FAM76B: variants seen among roughly 807,000 people sequenced by gnomAD.
FAM76B encodes the protein protein FAM76B.
Under a neutral mutation model 51.8 loss-of-function variants are expected in FAM76B, and 16 were observed. The observed-to-expected ratio is 0.31, with a 90% CI of 0.21 to 0.47. The LOEUF (loss-of-function observed/expected upper bound fraction) is 0.47, where lower values mean the gene tolerates loss of function less well. Among genes scored for constraint, FAM76B ranks in the 20% least tolerant of loss-of-function variants. FAM76B has a pLI of 1.00. For missense variants in FAM76B, 342 were observed against 392.6 expected, an observed-to-expected ratio of 0.87 and a Z score of 1.09; for synonymous variants, 166 against 129.5, an observed-to-expected ratio of 1.28 and a Z score of -1.91.
chr11:95,787,574 T>C, intron 3 of FAM76B, 50 bp downstream of exon 3: 1 of 1,560,258 alleles, frequency 6.4e-7, no homozygotes, highest in Non-Finnish European at 8.8e-7. Flanking sequence ...TCCAGCTTTA[T>C]GAAAAATATT....
Position 95,785,993 on chromosome 11 carries a change from T to C in FAM76B, c.363+126A>G, listed in dbSNP as rs3748251. On this transcript the variant is annotated intron_variant, in intron 4 of 9. Transcript: ENST00000358780. ...AAAACTCACTATTCCTGCACTTTCA[T>C]CTAACTACTTGCTTTCATGGACCTA... 0.047 allele frequency: 53,970 copies of C among 1,151,804 alleles called. 1,649 individuals are homozygous for C. Among genetic ancestry groups the C allele is most frequent in the African/African-American group, 0.1 (6,578 of 64,080 alleles). 71.3% of individuals were successfully genotyped at this position (1,151,804 alleles called of 1,614,324 possible). A position where few individuals can be genotyped will look rare whatever the true frequency, so the allele number is the denominator to read the frequency against.
chr11:95,787,715 GCTTT>G (rs1376870755), intron 2 of FAM76B, 37 bp from the exon 3 acceptor site: 2 of 1,509,064 alleles, frequency 1.3e-6, no homozygotes, highest in African/African-American at 1.4e-5. Flanking sequence ...TGTTTATGTA[GCTTT>G]CTAAAGTAAT....
intron 4 of FAM76B, 47 bp from the exon 5 acceptor site, chr11:95,783,311 G>A (rs374022377): frequency 1.3e-6 from 2 of 1,560,190 alleles, no homozygotes; most frequent in African/African-American, 2.7e-5. Context: ...TAAACTGGCT[G>A]TAAACGAAAC....
At chr11:95,782,290 T>C (rs1013617601) in intron 5 of FAM76B, among the ~76,000 whole-genome samples, 1 of 152,146 alleles carries the variant, frequency 6.6e-6, no homozygotes, top group East Asian at 1.9e-4. Context: ...AGGTTTGAAA[T>C]GTATGGGACC....
At chr11:95,782,973 G>T in intron 5 of FAM76B, 92 bp downstream of exon 5, 1 of 1,497,008 alleles carries the variant, frequency 6.7e-7, no homozygotes. Flanking sequence ...AACTAGACTA[G>T]CACATAGTCA....
chr11:95,782,992 A>G (rs1860356155), intron 5 of FAM76B, 73 bp downstream of exon 5: 12 of 1,567,484 alleles, frequency 7.7e-6, no homozygotes, highest in East Asian at 2.2e-5. Context: ...CAATATTTGC[A>G]AGAAGTAAAC....
intron 4 of FAM76B, among the ~76,000 whole-genome samples, chr11:95,784,187 A>T (rs1321740786): frequency 1.3e-5 from 2 of 152,184 alleles, no homozygotes; most frequent in Non-Finnish European, 2.9e-5. Context: ...TGACAAAAGA[A>T]CAGAAAACCA....
intron 4 of FAM76B, among the ~76,000 whole-genome samples, 158 bp downstream of exon 4, chr11:95,785,961 C>G (rs1207305221): frequency 1.3e-5 from 2 of 152,182 alleles, no homozygotes; most frequent in Non-Finnish European, 2.9e-5. Context: ...ATCATGCAAA[C>G]AAAGAGAAAA....
rs1860866049 is a variant in FAM76B, at chr11:95,789,511, CGCTCCGAGGCGGG to C, written c.-46_-34del. 6.4e-7 allele frequency: 1 copy of C among 1,563,216 alleles called. No individual in the cohort carries two copies. The highest frequency in any genetic ancestry group is 1.4e-5 in the African/African-American group (1 of 73,072). ...CTCAGTCTCCTCCTCCGCCGCCGCC[CGCTCCGAGGCGGG>C]GCCCTACGGAGAACCCGAGAGCCGC... On this transcript the variant is annotated 5_prime_UTR_variant, in exon 1 of 10. Transcript: ENST00000358780.
chr11:95,787,657 C>T lies in FAM76B; in HGVS notation c.174G>A (p.Lys58=). ...ATTGCTTCACATTTTGAGCACACTT[C>T]TTACAAATTGTGTTAGTTTTGCTGA... is the stretch of plus-strand genomic sequence containing the variant. ...QQESKTNTIC[K]KCAQNVKQFG... The change falls in exon 3 of 10, where the codon AAG becomes AAA. Residue 58 remains lysine, a synonymous_variant. Coordinates refer to ENST00000358780, the MANE Select transcript of FAM76B (RefSeq NM_144664.5). The T allele has an allele frequency of 6.2e-7, 1 of 1,609,870 alleles. No homozygotes were observed.
chr11:95,779,678 G>A lies in FAM76B; in HGVS notation c.621C>T (p.Ser207=). The change falls in exon 7 of 10, where the codon TCC becomes TCT. Residue 207 remains serine, a synonymous_variant. Transcript: ENST00000358780. The part of the protein sequence containing the change: ...EQGLWKQSHK[S]SATIQNETPK... ...GAGTTTCATTCTGAATTGTTGCAGAGGATTTATGGCTGAAACCAAACATTA... is the reference window on the plus strand; with the variant it reads ...GAGTTTCATTCTGAATTGTTGCAGAAGATTTATGGCTGAAACCAAACATTA... 6.2e-7 allele frequency: 1 copy of A among 1,609,428 alleles called. No individual in the cohort carries two copies. The highest frequency in any genetic ancestry group is 8.5e-7 in the Non-Finnish European group (1 of 1,177,714).
rs1860180193 is a variant in FAM76B at position 95,779,869 on chromosome 11, A to G, written c.611+10T>C. The G allele has an allele frequency of 6.3e-7, 1 of 1,599,250 alleles. No homozygotes were observed. Among genetic ancestry groups the G allele is most frequent in the Admixed American group, 1.7e-5 (1 of 57,196 alleles). ...TCAAAATACTTCAGAAAATACAGCA[A>G]TGTATTTACCTCTGTTTCCACAGTC... On this transcript the variant is annotated intron_variant, in intron 6 of 9. Coordinates refer to ENST00000358780, the MANE Select transcript of FAM76B (RefSeq NM_144664.5).
intron 6 of FAM76B, 73 bp from the exon 7 acceptor site, chr11:95,779,760 C>T (rs1380440718): frequency 5.1e-6 from 8 of 1,565,574 alleles, no homozygotes; most frequent in Non-Finnish European, 6.1e-6. Flanking sequence ...TATTCATCTT[C>T]CCCTAAAATA....
intron 5 of FAM76B, among the ~76,000 whole-genome samples, chr11:95,780,927 G>T (rs116665611): frequency 2.8e-3 from 426 of 152,030 alleles, no homozygotes; most frequent in African/African-American, 9.9e-3. Context: ...TTCAGCTGTA[G>T]AAGTTTTTTA....
intron 2 of FAM76B, among the ~76,000 whole-genome samples, 174 bp downstream of exon 2, chr11:95,788,325 G>GT (rs1321600857): frequency 6.6e-6 from 1 of 151,892 alleles, no homozygotes; most frequent in African/African-American, 2.4e-5. Flanking sequence ...ACCACCACTG[G>GT]TTTTTTTCGC....
At position 95,789,580 on chromosome 11, in the gene FAM76B, C is replaced by T. The variant is rs1860879715; in HGVS notation, c.-102G>A. ...CCCGGGCCGCGGGCTCCTCCTCCTC[C>T]CCCTCCCCCTGCCTCGCGCCCACCA... On this transcript the variant is annotated 5_prime_UTR_variant, in exon 1 of 10. Transcript: ENST00000358780. The T allele has an allele frequency of 2.9e-6, 3 of 1,032,320 alleles. No individual in the cohort carries two copies. The highest frequency in any genetic ancestry group is 3.1e-5 in the South Asian group (2 of 63,714). The allele number at this position is 1,032,320 out of a possible 1,614,324, so 63.9% of individuals were successfully genotyped here. A position where few individuals can be genotyped will look rare whatever the true frequency, so the allele number is the denominator to read the frequency against.
rs28533604 is a variant in FAM76B at position 95,787,792 on chromosome 11, A to G, written c.153-114T>C. The G allele has an allele frequency of 7.1e-6, 6 of 845,526 alleles. No individual in the cohort carries two copies. The Admixed American group carries it at 1.4e-4, about 20-fold the overall frequency. 52.4% of individuals were successfully genotyped at this position (845,526 alleles called of 1,614,324 possible). ...TGTACTTAAAACTTTAATAAGGACC[A>G]CGGATTTTTTTCAAATATACAAGGA... is the stretch of plus-strand genomic sequence containing the variant. On this transcript the variant is annotated intron_variant, in intron 2 of 9. Coordinates refer to ENST00000358780, the MANE Select transcript of FAM76B (RefSeq NM_144664.5).
At chr11:95,774,823 T>A (rs1302485090) in intron 9 of FAM76B, among the ~76,000 whole-genome samples, 1 of 151,348 alleles carries the variant, frequency 6.6e-6, no homozygotes, top group East Asian at 1.9e-4. Context: ...TCTCAGGTTC[T>A]ACATGAGGTT....
chr11:95,780,051 TAA>T, intron 5 of FAM76B, 125 bp from the exon 6 acceptor site: 1 of 869,298 alleles, frequency 1.2e-6, no homozygotes, highest in South Asian at 1.9e-5. Context: ...AAGGTATATT[TAA>T]GTTTTCAGAC....
Sources: gnomAD v4.1 joint callset for allele counts (sites outside exome capture counted in the v4.1 genomes callset) on GRCh38, gnomAD v4.1.1 for gene constraint, MANE v1.5 for transcripts, NCBI Gene and HGNC (gene_info 2026-07-23, HGNC 2026-07-21) for gene names.